The following FAT3 variants were observed in gnomAD, a reference collection of about 807,000 sequenced individuals.
FAT3 encodes protocadherin Fat 3.
Under a neutral mutation model 310.2 loss-of-function variants are expected in FAT3, and 95 were observed. The ratio of observed to expected loss-of-function variants is 0.31; its 90% CI spans 0.26 to 0.36. The LOEUF (loss-of-function observed/expected upper bound fraction) is 0.36, where lower values mean the gene tolerates loss of function less well. Among genes scored for constraint, FAT3 ranks in the 10% least tolerant of loss-of-function variants. FAT3 has a pLI of 1.00. For missense variants in FAT3, 5,408 were observed against 5,715.6 expected (o/e 0.95, Z 1.74); for synonymous variants, 2,314 against 2,192.9 (o/e 1.06, Z -1.54).
At chr11:92,658,129 A>G (rs1942645841) in intron 3 of FAT3, among the ~76,000 whole-genome samples, 1 of 152,172 alleles carries the variant, frequency 6.6e-6, no homozygotes, top group Non-Finnish European at 1.5e-5. Flanking sequence ...TCAAAATCCA[A>G]TGTGCATTTT....
At chr11:92,671,113 C>G (rs531696) in intron 3 of FAT3, among the ~76,000 whole-genome samples, 73,836 of 151,472 alleles carry the variant, frequency 0.49, 18,245 homozygotes, top group African/African-American at 0.51. Flanking sequence ...GGTGCAATCT[C>G]TGCTCACTAC....
chr11:92,236,286 A>G, intron 1 of FAT3, among the ~76,000 whole-genome samples: 1 of 152,196 alleles, frequency 6.6e-6, no homozygotes, highest in East Asian at 1.9e-4. Flanking sequence ...TTTCTGGTAC[A>G]TAATAATGCT....
chr11:92,235,153 G>A (rs1864366529), intron 1 of FAT3, among the ~76,000 whole-genome samples: 1 of 151,830 alleles, frequency 6.6e-6, no homozygotes, highest in South Asian at 2.1e-4. Flanking sequence ...CAGTACTTTT[G>A]CTGACACTCC....
At chr11:92,865,071 C>G (rs1346257056) in intron 21 of FAT3, among the ~76,000 whole-genome samples, 1 of 152,176 alleles carries the variant, frequency 6.6e-6, no homozygotes. Flanking sequence ...TGGTACATGA[C>G]AAAGCCTGAA....
intron 2 of FAT3, among the ~76,000 whole-genome samples, chr11:92,421,131 T>C (rs1054559895): frequency 3.9e-5 from 6 of 152,206 alleles, no homozygotes; most frequent in South Asian, 2.1e-4. Context: ...GATGCTTTTA[T>C]TTAAATACTT....
At chr11:92,797,113 A>G (rs1947196228) in intron 9 of FAT3, among the ~76,000 whole-genome samples, 1 of 152,136 alleles carries the variant, frequency 6.6e-6, no homozygotes, top group Non-Finnish European at 1.5e-5. Context: ...TTATGTCTAG[A>G]TGTGTGCATG....
intron 3 of FAT3, among the ~76,000 whole-genome samples, chr11:92,660,096 T>C (rs1203079715): frequency 6.6e-6 from 1 of 151,624 alleles, no homozygotes; most frequent in African/African-American, 2.4e-5. Flanking sequence ...TTAGTATTCT[T>C]TTTTTTTTCT....
At chr11:92,810,540 G>A (rs183931721) in intron 13 of FAT3, among the ~76,000 whole-genome samples, 35 of 152,254 alleles carry the variant, frequency 2.3e-4, no homozygotes, top group African/African-American at 7.0e-4. Flanking sequence ...ATAGTGCCCC[G>A]TAGTGCAAAG....
In FAT3 at chr11:92,890,944, T is replaced by C. The variant is rs763468878; in HGVS notation, c.13601T>C (p.Val4534Ala). 6.2e-7 allele frequency: 1 copy of C among 1,613,976 alleles called. No homozygotes were observed. ...GAGCCCACAGGCCCAGCAGACAGCG[T>C]GTCTCTGTCCTTGCACAATTCCAGA... is the stretch of plus-strand genomic sequence containing the variant. ...GTEPTGPADS[V>A]SLSLHNSRGT... The change falls in exon 28 of 28, where the codon GTG becomes GCG. Residue 4534 changes from valine to alanine, a missense_variant. By Grantham distance (64) the Val-to-Ala change is moderately conservative. This residue lies in a region of FAT3 where 649 missense variants were observed against 666.2 expected (regional missense o/e 0.97). Transcript: ENST00000525166.
At chr11:92,856,261 A>C (rs1948977876) in intron 19 of FAT3, among the ~76,000 whole-genome samples, 1 of 152,196 alleles carries the variant, frequency 6.6e-6, no homozygotes, top group Non-Finnish European at 1.5e-5. Context: ...TTCACGGGGA[A>C]AGGGCACTCC....
At chr11:92,762,645 A>G (rs566173959) in intron 5 of FAT3, among the ~76,000 whole-genome samples, 1 of 152,360 alleles carries the variant, frequency 6.6e-6, no homozygotes, top group African/African-American at 2.4e-5. Flanking sequence ...CACAAATCAC[A>G]ATGATGTTTA....
chr11:92,305,680 A>T (rs957951423), intron 1 of FAT3, among the ~76,000 whole-genome samples: 1 of 152,150 alleles, frequency 6.6e-6, no homozygotes, highest in Non-Finnish European at 1.5e-5. Flanking sequence ...CCCAAAATGC[A>T]CACCACAAAC....
At chr11:92,251,282 TTGG>T (rs1865128504) in intron 1 of FAT3, among the ~76,000 whole-genome samples, 1 of 152,162 alleles carries the variant, frequency 6.6e-6, no homozygotes, top group South Asian at 2.1e-4. Flanking sequence ...ACCTCACTTG[TTGG>T]TGGGCTCACA....
At chr11:92,608,153 A>G (rs1940391363) in intron 3 of FAT3, among the ~76,000 whole-genome samples, 2 of 152,230 alleles carry the variant, frequency 1.3e-5, no homozygotes, top group African/African-American at 4.8e-5. Flanking sequence ...TTTCACATGT[A>G]TCTGAAAGAG....
At chr11:92,486,129 GGTTT>G (rs1299481201) in intron 2 of FAT3, among the ~76,000 whole-genome samples, 4 of 27,666 alleles carry the variant, frequency 1.4e-4, no homozygotes, top group African/African-American at 3.4e-4. Context: ...AGGCTGCTGG[GGTTT>G]TTTTTTTTTT....
chr11:92,760,951 G>A (rs1946136357), intron 4 of FAT3, among the ~76,000 whole-genome samples: 1 of 152,150 alleles, frequency 6.6e-6, no homozygotes. Flanking sequence ...CCATTTTCCA[G>A]AGAGAAATAG....
At chr11:92,847,911 C>T (rs1158616449) in intron 19 of FAT3, among the ~76,000 whole-genome samples, 1 of 146,974 alleles carries the variant, frequency 6.8e-6, no homozygotes, top group African/African-American at 2.7e-5. Flanking sequence ...AAATGCCCCT[C>T]CCCCCAAACA....
intron 2 of FAT3, among the ~76,000 whole-genome samples, chr11:92,503,472 G>A (rs1220609217): frequency 6.6e-6 from 1 of 152,022 alleles, no homozygotes; most frequent in Non-Finnish European, 1.5e-5. Flanking sequence ...AACTTTATGA[G>A]ATAGTATTCC....
intron 7 of FAT3, among the ~76,000 whole-genome samples, chr11:92,775,833 C>G (rs1455575516): frequency 6.6e-6 from 1 of 152,092 alleles, no homozygotes; most frequent in South Asian, 2.1e-4. Context: ...AAAATTGCCC[C>G]ATTTGGGATG....
Sources: gnomAD v4.1 joint callset for allele counts (sites outside exome capture counted in the v4.1 genomes callset) on GRCh38, gnomAD v4.1.1 for gene constraint, gnomAD v4.1.1 regional missense constraint, MANE v1.5 for transcripts, NCBI Gene and HGNC (gene_info 2026-07-23, HGNC 2026-07-21) for gene names.